The following KIAA1328 variants were observed in gnomAD, a reference collection of about 807,000 sequenced individuals.
KIAA1328 encodes KIAA1328.
In KIAA1328, 52 loss-of-function variants were observed where a neutral mutation model predicts 68.1. That is an observed-to-expected ratio of 0.76 (90% CI 0.61 to 0.96). KIAA1328 has a LOEUF of 0.96. Ranked by LOEUF, KIAA1328 falls within the 40% of genes least tolerant of loss-of-function variation. The pLI, the probability that KIAA1328 is intolerant of heterozygous loss-of-function variation, is 0.00. For synonymous variants in KIAA1328, 232 were observed against 239.4 expected, an observed-to-expected ratio of 0.97 and a Z score of 0.28; for missense variants, 641 against 677.6, an observed-to-expected ratio of 0.95 and a Z score of 0.60.
intron 5 of KIAA1328, among the ~76,000 whole-genome samples, chr18:36,941,106 G>A (rs187763601): frequency 1.3e-4 from 20 of 152,248 alleles, no homozygotes; most frequent in Admixed American, 9.2e-4. Flanking sequence ...AAAGATCTTG[G>A]TTGTCAAATT....
At chr18:36,985,949 T>C (rs1438535402) in intron 6 of KIAA1328, among the ~76,000 whole-genome samples, 7 of 152,078 alleles carry the variant, frequency 4.6e-5, no homozygotes, top group Non-Finnish European at 4.4e-5. Flanking sequence ...TGACCAAAAT[T>C]AAAAAGGCTT....
chr18:36,991,333 T>TA (rs1312764285), intron 6 of KIAA1328, among the ~76,000 whole-genome samples: 1 of 152,190 alleles, frequency 6.6e-6, no homozygotes, highest in Non-Finnish European at 1.5e-5. Context: ...TGGCTTGTAT[T>TA]ACTTGAGTCT....
chr18:36,852,002 G>A (rs1352367132), intron 4 of KIAA1328, among the ~76,000 whole-genome samples: 1 of 151,996 alleles, frequency 6.6e-6, no homozygotes, highest in African/African-American at 2.4e-5. Context: ...TTCATTTCAA[G>A]ATACTTTCTA....
chr18:36,989,578 A>G (rs2053085481), intron 6 of KIAA1328, among the ~76,000 whole-genome samples: 1 of 152,232 alleles, frequency 6.6e-6, no homozygotes, highest in South Asian at 2.1e-4. Context: ...AGAGACCTTC[A>G]GCCCCAGGAA....
chr18:37,097,971 G>A (rs1319372859), intron 7 of KIAA1328, among the ~76,000 whole-genome samples: 1 of 152,076 alleles, frequency 6.6e-6, no homozygotes, highest in Non-Finnish European at 1.5e-5. Context: ...AGGAGATTTT[G>A]GGCTGAGACA....
rs537203469 is a variant in KIAA1328, at chr18:36,880,996, AT to A, written c.333-4560del. On this transcript the variant is annotated intron_variant, in intron 4 of 9. Coordinates refer to ENST00000280020, the MANE Select transcript of KIAA1328 (RefSeq NM_020776.3). ...TTGTTTTTTAGAATTTTTTTCAGCT[AT>A]ACTTATCAGATAGATTGGATTATAG... 2.5e-3 allele frequency among the ~76,000 whole-genome samples: 383 copies of A among 152,272 alleles called. 3 individuals carry two copies. The highest frequency in any genetic ancestry group is 2.3e-3 in the Non-Finnish European group (154 of 68,022).
chr18:37,023,659 G>C (rs1286354498), intron 6 of KIAA1328, among the ~76,000 whole-genome samples: 2 of 152,060 alleles, frequency 1.3e-5, no homozygotes, highest in Non-Finnish European at 2.9e-5. Context: ...GTCAACCATT[G>C]GGTTTACTTT....
chr18:37,042,848 C>G (rs555264463), intron 6 of KIAA1328, among the ~76,000 whole-genome samples: 1 of 152,190 alleles, frequency 6.6e-6, no homozygotes, highest in East Asian at 1.9e-4. Flanking sequence ...TCTCTCTCCT[C>G]TTCTTCTGGC....
chr18:36,941,082 C>T (rs906951455), intron 5 of KIAA1328, among the ~76,000 whole-genome samples: 6 of 152,130 alleles, frequency 3.9e-5, no homozygotes, highest in Admixed American at 1.3e-4. Context: ...CGTTTACTCA[C>T]CTCAGGCTTC....
At chr18:37,215,551 A>G (rs2060413157) in intron 9 of KIAA1328, among the ~76,000 whole-genome samples, 1 of 152,216 alleles carries the variant, frequency 6.6e-6, no homozygotes, top group South Asian at 2.1e-4. Context: ...TTGGTTTGCC[A>G]GTATTTTATT....
intron 7 of KIAA1328, among the ~76,000 whole-genome samples, chr18:37,157,807 CAAAA>C (rs542590805): frequency 5.4e-5 from 3 of 55,400 alleles, no homozygotes; most frequent in African/African-American, 2.2e-4. Flanking sequence ...GACTCCTCTC[CAAAA>C]AAAAAAAAAA....
chr18:36,836,605 ACT>A (rs1381993400), intron 3 of KIAA1328, among the ~76,000 whole-genome samples: 6 of 149,970 alleles, frequency 4.0e-5, no homozygotes, highest in South Asian at 2.1e-4. Context: ...GCTTTAGTCA[ACT>A]CTCTTTTTTT....
intron 9 of KIAA1328, among the ~76,000 whole-genome samples, chr18:37,207,125 G>A (rs189780882): frequency 6.6e-6 from 1 of 152,292 alleles, no homozygotes; most frequent in East Asian, 1.9e-4. Flanking sequence ...TTTTAATTCA[G>A]AAATAGTTTC....
At chr18:37,125,792 C>T (rs1444494465) in intron 7 of KIAA1328, among the ~76,000 whole-genome samples, 2 of 152,172 alleles carry the variant, frequency 1.3e-5, no homozygotes, top group Non-Finnish European at 2.9e-5. Flanking sequence ...GAGAATTTTA[C>T]ATCTGACCTC....
intron 7 of KIAA1328, among the ~76,000 whole-genome samples, chr18:37,076,921 A>G (rs1425802419): frequency 1.3e-5 from 2 of 152,210 alleles, no homozygotes; most frequent in Non-Finnish European, 2.9e-5. Flanking sequence ...AGGAACTGGT[A>G]CCATTCCTTC....
At chr18:37,040,173 T>G (rs1310253110) in intron 6 of KIAA1328, among the ~76,000 whole-genome samples, 1 of 152,226 alleles carries the variant, frequency 6.6e-6, no homozygotes, top group Non-Finnish European at 1.5e-5. Flanking sequence ...ATCTGAATGA[T>G]CTTTTTTTGC....
intron 5 of KIAA1328, chr18:36,954,341 C>T (rs1481962053): frequency 6.6e-6 from 1 of 152,140 alleles, no homozygotes; most frequent in East Asian, 1.9e-4. Flanking sequence ...GTTAGATTTA[C>T]AAATTTGATT....
intron 6 of KIAA1328, chr18:37,063,586 G>A: frequency 1.0e-6 from 1 of 969,282 alleles, no homozygotes; most frequent in Non-Finnish European, 1.2e-6. Flanking sequence ...AGAATCACGG[G>A]GAGCATCTTA....
intron 7 of KIAA1328, among the ~76,000 whole-genome samples, chr18:37,127,280 G>T (rs1157944752): frequency 1.3e-5 from 2 of 152,086 alleles, no homozygotes; most frequent in Non-Finnish European, 2.9e-5. Flanking sequence ...CTGGCAAAGG[G>T]CAATTAGAAG....
Sources: gnomAD v4.1 joint callset for allele counts (sites outside exome capture counted in the v4.1 genomes callset) on GRCh38, gnomAD v4.1.1 for gene constraint, MANE v1.5 for transcripts, NCBI Gene and HGNC (gene_info 2026-07-23, HGNC 2026-07-21) for gene names.